Variants in ZNF438 observed in about 807,000 individuals in gnomAD.
ZNF438 encodes the protein zinc finger protein 438.
Under a neutral mutation model 38.0 loss-of-function variants are expected in ZNF438, and 25 were observed. The ratio of observed to expected loss-of-function variants is 0.66; its 90% CI spans 0.48 to 0.92. ZNF438 has a LOEUF of 0.92. Among genes scored for constraint, ZNF438 ranks in the 40% least tolerant of loss-of-function variants. The pLI is 0.00. For missense variants in ZNF438, 1,007 were observed against 999.6 expected, an observed-to-expected ratio of 1.01 and a Z score of -0.10; for synonymous variants, 372 against 364.1, an observed-to-expected ratio of 1.02 and a Z score of -0.25.
At chr10:30,936,026 T>G (rs951406815) in intron 2 of ZNF438, among the ~76,000 whole-genome samples, 2 of 152,174 alleles carry the variant, frequency 1.3e-5, no homozygotes, top group Non-Finnish European at 2.9e-5. Flanking sequence ...AAGCCGGTAC[T>G]CAAACCTCCT....
At chr10:31,032,064 TTCGCCGACCGGGGCGCCTGCG>T (rs1158902367), upstream of ZNF438, 6 of 152,260 alleles carry the variant, frequency 3.9e-5, no homozygotes, top group African/African-American at 1.4e-4. Context: ...GCCTGTGGGC[TTCGCCGACCGGGGCGCCTGCG>T]GCGGCGACTG....
intron 2 of ZNF438, among the ~76,000 whole-genome samples, chr10:30,929,464 GA>G (rs553300608): frequency 1.6e-3 from 242 of 152,328 alleles, no homozygotes; most frequent in Non-Finnish European, 2.9e-3. Flanking sequence ...GCTGGCCTCA[GA>G]AGTGAAGCTG....
At chr10:30,966,195 T>G (rs1048756435) in intron 1 of ZNF438, among the ~76,000 whole-genome samples, 4 of 152,052 alleles carry the variant, frequency 2.6e-5, no homozygotes, top group African/African-American at 9.7e-5. Context: ...TAGGGCTTGG[T>G]GGCATTTGCC....
intron 1 of ZNF438, among the ~76,000 whole-genome samples, chr10:30,957,642 T>C (rs920343662): frequency 3.3e-5 from 5 of 152,202 alleles, no homozygotes; most frequent in African/African-American, 1.2e-4. Flanking sequence ...TCTTAGCATG[T>C]TCATCAATCA....
chr10:30,876,710 TG>T (rs2038481012), intron 4 of ZNF438, among the ~76,000 whole-genome samples: 2 of 152,196 alleles, frequency 1.3e-5, no homozygotes, highest in African/African-American at 4.8e-5. Flanking sequence ...TATCTGTTAG[TG>T]CCAGTTAACT....
At chr10:30,896,295 C>CAAAAAA (rs56673889) in intron 3 of ZNF438, among the ~76,000 whole-genome samples, 2 of 107,052 alleles carry the variant, frequency 1.9e-5, no homozygotes, top group Admixed American at 9.6e-5. Context: ...GACTCCATCT[C>CAAAAAA]AAAAAAAAAA....
chr10:30,865,989 G>C (rs1039396453), intron 4 of ZNF438, among the ~76,000 whole-genome samples: 1 of 152,158 alleles, frequency 6.6e-6, no homozygotes, highest in African/African-American at 2.4e-5. Context: ...ATTTGCACTT[G>C]TTGCGCTGAT....
chr10:31,030,223 C>G (rs958164929), intron 1 of ZNF438, among the ~76,000 whole-genome samples: 2 of 152,208 alleles, frequency 1.3e-5, no homozygotes, highest in Non-Finnish European at 2.9e-5. Flanking sequence ...CTTTTCCTGA[C>G]AGATCCCACC....
intron 4 of ZNF438, among the ~76,000 whole-genome samples, chr10:30,853,493 G>C (rs1391420986): frequency 1.3e-5 from 2 of 152,302 alleles, no homozygotes; most frequent in Admixed American, 6.5e-5. Context: ...CCTGAGAGGA[G>C]GCTCCTGGCT....
intron 1 of ZNF438, among the ~76,000 whole-genome samples, chr10:30,986,260 TA>T (rs1334168953): frequency 6.6e-6 from 1 of 152,202 alleles, no homozygotes; most frequent in Non-Finnish European, 1.5e-5. Flanking sequence ...AACAGCACTA[TA>T]AGTTTATCTA....
At chr10:31,001,557 T>C (rs922155531) in intron 1 of ZNF438, among the ~76,000 whole-genome samples, 7 of 152,206 alleles carry the variant, frequency 4.6e-5, no homozygotes, top group Admixed American at 3.3e-4. Context: ...ATCATAAAGA[T>C]TGTAATAAAG....
intron 1 of ZNF438, among the ~76,000 whole-genome samples, chr10:30,949,126 C>T (rs2047829948): frequency 1.3e-5 from 2 of 152,240 alleles, no homozygotes; most frequent in Admixed American, 6.5e-5. Context: ...ATTTTCAACC[C>T]AGAATTTCAT....
At chr10:31,030,515 C>T (rs1331833285) in intron 1 of ZNF438, among the ~76,000 whole-genome samples, 1 of 152,188 alleles carries the variant, frequency 6.6e-6, no homozygotes, top group Non-Finnish European at 1.5e-5. Flanking sequence ...CTGGAAAAAC[C>T]AACAAACAGA....
chr10:30,930,724 T>C (rs376956473), intron 2 of ZNF438, among the ~76,000 whole-genome samples: 2 of 143,676 alleles, frequency 1.4e-5, no homozygotes, highest in African/African-American at 5.2e-5. Context: ...GGCGAAAAGC[T>C]TGAATCCAGG....
chr10:31,023,592 T>C (rs1449831554), intron 1 of ZNF438, among the ~76,000 whole-genome samples: 3 of 152,220 alleles, frequency 2.0e-5, no homozygotes, highest in African/African-American at 7.2e-5. Flanking sequence ...AACATCAACA[T>C]GTTTGACATA....
At chr10:30,958,295 A>C (rs1159537815) in intron 1 of ZNF438, among the ~76,000 whole-genome samples, 1 of 147,244 alleles carries the variant, frequency 6.8e-6, no homozygotes, top group Non-Finnish European at 1.5e-5. Context: ...TTAAGGACAG[A>C]CTTGATTACA....
intron 1 of ZNF438, among the ~76,000 whole-genome samples, chr10:31,007,900 A>C (rs1378326200): frequency 1.3e-5 from 2 of 152,226 alleles, no homozygotes; most frequent in Non-Finnish European, 2.9e-5. Flanking sequence ...CAGCTCTCTC[A>C]TAAAGCAAAA....
intron 3 of ZNF438, 135 bp downstream of exon 4, chr10:30,908,798 A>G (rs1025135588): frequency 6.6e-6 from 1 of 152,250 alleles, no homozygotes. Context: ...ATATTTTATG[A>G]TTAAGAAACT....
At chr10:30,946,929 T>C (rs949183061) in intron 1 of ZNF438, among the ~76,000 whole-genome samples, 1 of 152,218 alleles carries the variant, frequency 6.6e-6, no homozygotes. Context: ...TATGCACATT[T>C]AACCTGCCAC....
Sources: gnomAD v4.1 joint callset for allele counts (sites outside exome capture counted in the v4.1 genomes callset) on GRCh38, gnomAD v4.1.1 for gene constraint, MANE v1.5 for transcripts, NCBI Gene and HGNC (gene_info 2026-07-23, HGNC 2026-07-21) for gene names.